STEAP3: variants seen among roughly 807,000 people sequenced by gnomAD.
The protein encoded by STEAP3 is STEAP3 metalloreductase.
A neutral mutation model predicts 34.9 loss-of-function variants in STEAP3; 35 were observed. The ratio of observed to expected loss-of-function variants is 1.00; its 90% confidence interval spans 0.76 to 1.33. STEAP3 has a LOEUF of 1.33. Among genes scored for constraint, STEAP3 ranks in the 40% most tolerant of loss-of-function variants. The pLI is 0.00. For missense variants in STEAP3, 652 were observed against 667.6 expected, an observed-to-expected ratio of 0.98 and a Z score of 0.26; for synonymous variants, 281 against 301.6, an observed-to-expected ratio of 0.93 and a Z score of 0.71.
At chr2:119,236,775 A>G (rs1053760973) in intron 2 of STEAP3, among the ~76,000 whole-genome samples, 3 of 152,136 alleles carry the variant, frequency 2.0e-5, no homozygotes, top group Admixed American at 2.0e-4. Flanking sequence ...TCCCCCTGGA[A>G]CACATCTGCC....
At chr2:119,233,518 A>G (rs144415030) in intron 2 of STEAP3, among the ~76,000 whole-genome samples, 1 of 152,322 alleles carries the variant, frequency 6.6e-6, no homozygotes, top group African/African-American at 2.4e-5. Flanking sequence ...GAGAACAGCT[A>G]TGACTCACAA....
intron 2 of STEAP3, among the ~76,000 whole-genome samples, chr2:119,238,992 G>C (rs1363734263): frequency 6.6e-6 from 1 of 152,098 alleles, no homozygotes; most frequent in African/African-American, 2.4e-5. Context: ...GGTGGACAAC[G>C]AGCACATGAG....
chr2:119,253,000 G>A (rs12467089), intron 4 of STEAP3, among the ~76,000 whole-genome samples: 6,723 of 152,272 alleles, frequency 0.044, 200 homozygotes, highest in Non-Finnish European at 0.057. Context: ...AACTTCCAGC[G>A]AGGAGATGAC....
At chr2:119,253,329 A>G (rs1384933640) in intron 4 of STEAP3, among the ~76,000 whole-genome samples, 1 of 152,058 alleles carries the variant, frequency 6.6e-6, no homozygotes, top group Admixed American at 6.5e-5. Flanking sequence ...AGAGCCAATC[A>G]TTTTTCACAG....
intron 1 of STEAP3, among the ~76,000 whole-genome samples, chr2:119,225,127 A>C (rs1678999169): frequency 6.6e-6 from 1 of 152,208 alleles, no homozygotes; most frequent in Non-Finnish European, 1.5e-5. Context: ...AGTCACCTGC[A>C]AGGCTTGTTA....
intron 1 of STEAP3, among the ~76,000 whole-genome samples, chr2:119,228,679 C>T (rs749170754): frequency 1.3e-5 from 2 of 152,156 alleles, no homozygotes; most frequent in Non-Finnish European, 2.9e-5. Context: ...TCCTGGTGTT[C>T]CCAGATCTGA....
chr2:119,231,197 A>T (rs1676922954), intron 2 of STEAP3, among the ~76,000 whole-genome samples, 163 bp downstream of exon 2: 1 of 152,188 alleles, frequency 6.6e-6, no homozygotes, highest in Non-Finnish European at 1.5e-5. Flanking sequence ...CTGCCTTGGA[A>T]CAGGCTGCAA....
At chr2:119,231,444 A>C (rs1676933973) in intron 2 of STEAP3, among the ~76,000 whole-genome samples, 1 of 150,132 alleles carries the variant, frequency 6.7e-6, no homozygotes, top group South Asian at 2.1e-4. Context: ...GGGAATTGTA[A>C]ATTTTTCTTA....
At chr2:119,257,682 T>A in intron 5 of STEAP3, 2 of 1,415,950 alleles carry the variant, frequency 1.4e-6, no homozygotes, top group Non-Finnish European at 1.8e-6. Flanking sequence ...GCATGCTGGC[T>A]TTTGAGGTAA....
At chr2:119,245,362 G>A in intron 2 of STEAP3, 127 bp from the exon 3 acceptor site, 1 of 1,364,424 alleles carries the variant, frequency 7.3e-7, no homozygotes, top group Non-Finnish European at 1.0e-6. Flanking sequence ...ACACGTGGTA[G>A]CACTCGGTGA....
At chr2:119,224,524 GC>G (rs1399197590) in intron 1 of STEAP3, among the ~76,000 whole-genome samples, 1 of 152,218 alleles carries the variant, frequency 6.6e-6, no homozygotes, top group Non-Finnish European at 1.5e-5. Flanking sequence ...GGGACAGGCT[GC>G]CCGGAGAGGT....
At chr2:119,254,913 T>A (rs1677733884) in intron 5 of STEAP3, 65 bp downstream of exon 5, 2 of 1,557,750 alleles carry the variant, frequency 1.3e-6, no homozygotes, top group East Asian at 4.7e-5. Flanking sequence ...CATGAGTAAG[T>A]GCTCTGCCTT....
intron 2 of STEAP3, among the ~76,000 whole-genome samples, chr2:119,236,609 A>G (rs1386925585): frequency 1.3e-5 from 2 of 152,200 alleles, no homozygotes; most frequent in Non-Finnish European, 2.9e-5. Context: ...AGGGGCTGAA[A>G]TGATCCTCTG....
At chr2:119,225,979 G>A (rs941838442) in intron 1 of STEAP3, among the ~76,000 whole-genome samples, 2 of 152,248 alleles carry the variant, frequency 1.3e-5, no homozygotes, top group African/African-American at 2.4e-5. Context: ...CCAGTGAGGG[G>A]CCTTCCAGGC....
intron 5 of STEAP3, among the ~76,000 whole-genome samples, chr2:119,260,440 G>A (rs1001653321): frequency 9.9e-5 from 15 of 151,844 alleles, no homozygotes; most frequent in Non-Finnish European, 1.8e-4. Flanking sequence ...ACAGGCATGC[G>A]CCACCACACC....
intron 2 of STEAP3, among the ~76,000 whole-genome samples, chr2:119,242,042 G>A (rs562133252): frequency 3.2e-4 from 48 of 152,136 alleles, no homozygotes; most frequent in Non-Finnish European, 4.6e-4. Context: ...AGTCATTGGC[G>A]ATGGGTCTTA....
chr2:119,259,222 A>G (rs1028444273), intron 5 of STEAP3, among the ~76,000 whole-genome samples: 2 of 152,238 alleles, frequency 1.3e-5, no homozygotes, highest in African/African-American at 4.8e-5. Flanking sequence ...ATTGAGCACC[A>G]GCAGGAGCTA....
At chr2:119,257,608 C>A (rs1677813305) in intron 5 of STEAP3, 1 of 1,507,966 alleles carries the variant, frequency 6.6e-7, no homozygotes, top group Non-Finnish European at 8.8e-7. Context: ...GTGTCCACCC[C>A]ATATGGTCAT....
intron 2 of STEAP3, among the ~76,000 whole-genome samples, chr2:119,239,865 C>A (rs1025552176): frequency 6.6e-6 from 1 of 152,140 alleles, no homozygotes; most frequent in Non-Finnish European, 1.5e-5. Context: ...ACATACAGAG[C>A]CTCCTTGCAC....
Sources: allele counts gnomAD v4.1 joint callset (sites outside exome capture counted in the v4.1 genomes callset), GRCh38; gene constraint gnomAD v4.1.1; transcripts MANE v1.5; gene names NCBI Gene and HGNC (gene_info 2026-07-23, HGNC 2026-07-21).